The following DISP1 variants were observed in gnomAD, a reference collection of about 807,000 sequenced individuals.
DISP1 encodes the protein protein dispatched homolog 1.
In DISP1, 30 loss-of-function variants were observed where a neutral mutation model predicts 37.3. The observed-to-expected ratio is 0.80, with a 90% CI of 0.60 to 1.09. DISP1 has a LOEUF of 1.09. DISP1 is among the 50% of genes least tolerant of loss of function. The pLI is 0.00. For missense variants in DISP1, 1,598 were observed against 1,879.5 expected, an observed-to-expected ratio of 0.85 and a Z score of 2.77; for synonymous variants, 634 against 690.2, an observed-to-expected ratio of 0.92 and a Z score of 1.28.
At chr1:222,818,349 A>G (rs4609435) in intron 1 of DISP1, among the ~76,000 whole-genome samples, 28,939 of 151,978 alleles carry the variant, frequency 0.19, 3,384 homozygotes, top group Non-Finnish European at 0.24. Flanking sequence ...TTACCTGGAG[A>G]GGGCTGGGAG....
chr1:222,976,817 G>A lies in DISP1; in HGVS notation c.510-6263G>A, dbSNP rs531246230. 1.2e-4 allele frequency among the ~76,000 whole-genome samples: 19 copies of A among 152,252 alleles called. No individual in the cohort carries two copies. The East Asian group carries it at 3.5e-3, about 28-fold the overall frequency. ...CAGTACATGTTCCAGAATTATGGCT[G>A]TGAGGATAATTTTAGTTCCAAAGAT... On this transcript the variant is annotated intron_variant, in intron 3 of 8. Coordinates refer to ENST00000675850, the MANE Select transcript of DISP1 (RefSeq NM_001377229.1).
rs183398627 is a variant in DISP1, at chr1:222,939,517, T to C, written c.-17-3290T>C. Among the ~76,000 whole-genome samples, 603 of 152,112 alleles carry C rather than the reference T, an allele frequency of 4.0e-3. 6 individuals carry two copies. Among genetic ancestry groups the C allele is most frequent in the African/African-American group, 0.014 (587 of 41,504 alleles). ...TCTGAAGCCCAATGTATTCAGTTCTTGCACTACCATAAAGAAATACCTGGG... is the reference window on the plus strand; with the variant it reads ...TCTGAAGCCCAATGTATTCAGTTCTCGCACTACCATAAAGAAATACCTGGG... On this transcript the variant is annotated intron_variant, in intron 2 of 8. Transcript: ENST00000675850.
Position 222,932,814 on chromosome 1 carries a change from A to C in DISP1, c.-18+4244A>C, listed in dbSNP as rs148282584. Among the ~76,000 whole-genome samples, 470 of 152,080 alleles carry C rather than the reference A, an allele frequency of 3.1e-3. 3 individuals are homozygous for C. Among genetic ancestry groups the C allele is most frequent in the African/African-American group, 0.011 (454 of 41,550 alleles). ...GATGAACCTGGAAAAGAGATCTCTG[A>C]AAAGTGCTTTGATAATTGCAATATT... On this transcript the variant is annotated intron_variant, in intron 2 of 8. Transcript: ENST00000675850.
intron 1 of DISP1, among the ~76,000 whole-genome samples, chr1:222,852,141 G>T (rs770705604): frequency 5.9e-5 from 9 of 151,874 alleles, no homozygotes; most frequent in Non-Finnish European, 1.2e-4. Flanking sequence ...CCGAGATCGC[G>T]CCATCGCACT....
chr1:222,902,408 T>G (rs1671647151), intron 1 of DISP1, among the ~76,000 whole-genome samples: 2 of 152,134 alleles, frequency 1.3e-5, no homozygotes, highest in African/African-American at 4.8e-5. Context: ...GGACTTCATG[T>G]CTAAAACACC....
intron 1 of DISP1, among the ~76,000 whole-genome samples, chr1:222,862,227 C>T (rs949423132): frequency 3.9e-5 from 6 of 152,058 alleles, no homozygotes; most frequent in African/African-American, 1.4e-4. Flanking sequence ...TGAAGAGTTA[C>T]AAGATTAGTA....
At chr1:222,964,924 G>A (rs1016457887) in intron 3 of DISP1, among the ~76,000 whole-genome samples, 1 of 152,098 alleles carries the variant, frequency 6.6e-6, no homozygotes, top group Non-Finnish European at 1.5e-5. Flanking sequence ...AAATGGAAAC[G>A]GTGCAGATTT....
chr1:223,004,128 G>A lies in DISP1; in HGVS notation c.2731G>A (p.Gly911Arg). The change falls in exon 9 of 9, where the codon GGG (glycine) becomes AGG (arginine). Residue 911 changes from glycine (G) to arginine (R), a missense_variant. Coordinates refer to ENST00000675850, the MANE Select transcript of DISP1 (RefSeq NM_001377229.1). The surrounding 1 kb of genome is among the most constrained non-coding windows in gnomAD (Gnocchi z 4.9). ...GTACCATTTGGATAGCAAAACCCCA[G>A]GGCCGAGGTTTGATATCAATGATAC... is the stretch of plus-strand genomic sequence containing the variant. ...TGYHLDSKTP[G>R]PRFDINDTIR... The A allele has an allele frequency of 6.2e-7, 1 of 1,614,154 alleles. No individual in the cohort carries two copies. Among genetic ancestry groups the A allele is most frequent in the Non-Finnish European group, 8.5e-7 (1 of 1,180,016 alleles).
chr1:222,910,158 G>A (rs1422544922), intron 1 of DISP1, among the ~76,000 whole-genome samples: 34 of 152,056 alleles, frequency 2.2e-4, no homozygotes, highest in Admixed American at 2.2e-3. Context: ...GAGCGCAGGA[G>A]TTCAAGACCA....
intron 3 of DISP1, among the ~76,000 whole-genome samples, chr1:222,978,769 A>G (rs977184652): frequency 1.3e-5 from 2 of 152,188 alleles, no homozygotes; most frequent in Non-Finnish European, 2.9e-5. Context: ...ACCATTTATT[A>G]AATAGGGAAT....
intron 1 of DISP1, among the ~76,000 whole-genome samples, chr1:222,828,645 G>A (rs1664998787): frequency 6.6e-6 from 1 of 152,124 alleles, no homozygotes; most frequent in South Asian, 2.1e-4. Context: ...AGGCCCTCAA[G>A]TTTTGCTGCC....
intron 8 of DISP1, among the ~76,000 whole-genome samples, chr1:222,997,908 C>T (rs1469380064): frequency 2.0e-5 from 3 of 151,964 alleles, no homozygotes; most frequent in East Asian, 1.9e-4. Context: ...TAGATCCATA[C>T]CAACAAATGA....
chr1:222,921,169 G>A (rs1035434871), intron 1 of DISP1, among the ~76,000 whole-genome samples: 5 of 152,106 alleles, frequency 3.3e-5, no homozygotes, highest in South Asian at 4.2e-4. Flanking sequence ...AAAATTAGCC[G>A]GATGTGGTGC....
intron 2 of DISP1, 114 bp from the exon 3 acceptor site, chr1:222,942,693 C>T (rs1404108302): frequency 1.3e-5 from 16 of 1,237,022 alleles, no homozygotes; most frequent in Admixed American, 9.6e-5. Flanking sequence ...CACTGTCTCA[C>T]AACTCTGCAA....
At chr1:222,931,416 T>A (rs978113957) in intron 2 of DISP1, among the ~76,000 whole-genome samples, 1 of 151,962 alleles carries the variant, frequency 6.6e-6, no homozygotes, top group Non-Finnish European at 1.5e-5. Context: ...TATGATCCTG[T>A]TTCTACTGGG....
chr1:222,981,956 G>A (rs1677867152), intron 3 of DISP1, among the ~76,000 whole-genome samples: 1 of 152,172 alleles, frequency 6.6e-6, no homozygotes, highest in African/African-American at 2.4e-5. Context: ...CCTTCAAAGA[G>A]CTTTTGTTTA....
intron 1 of DISP1, among the ~76,000 whole-genome samples, chr1:222,846,443 A>T (rs1667905256): frequency 6.6e-6 from 1 of 152,166 alleles, no homozygotes; most frequent in African/African-American, 2.4e-5. Context: ...GTGAGCTGAG[A>T]TTGTGCCATT....
intron 2 of DISP1, among the ~76,000 whole-genome samples, chr1:222,941,530 G>A (rs1434165675): frequency 6.6e-6 from 1 of 152,176 alleles, no homozygotes; most frequent in Non-Finnish European, 1.5e-5. Context: ...CTGAATTTGT[G>A]TATGTGGGGT....
chr1:222,977,642 G>A (rs1052549909), intron 3 of DISP1, among the ~76,000 whole-genome samples: 76 of 149,746 alleles, frequency 5.1e-4, no homozygotes, highest in African/African-American at 1.7e-3. Context: ...CCATTAACTC[G>A]TCATTTAACA....
Sources: gnomAD v4.1 joint callset for allele counts (sites outside exome capture counted in the v4.1 genomes callset) on GRCh38, gnomAD v4.1.1 for gene constraint, Gnocchi (gnomAD v3.1) non-coding constraint, MANE v1.5 for transcripts, NCBI Gene and HGNC (gene_info 2026-07-23, HGNC 2026-07-21) for gene names.